Variants in CDK15 observed in about 807,000 individuals in gnomAD.
CDK15 encodes the protein cyclin-dependent kinase 15.
Under a neutral mutation model 60.3 loss-of-function variants are expected in CDK15, and 62 were observed. The ratio of observed to expected loss-of-function variants is 1.03; its 90% CI spans 0.84 to 1.27. The LOEUF (loss-of-function observed/expected upper bound fraction) is 1.27. Among genes scored for constraint, CDK15 ranks in the 50% most tolerant of loss-of-function variants. CDK15 has a pLI of 0.00. For synonymous variants in CDK15, 194 were observed against 195.7 expected, an observed-to-expected ratio of 0.99 and a Z score of 0.07; for missense variants, 541 against 527.8, an observed-to-expected ratio of 1.03 and a Z score of -0.25.
At chr2:201,862,405 A>C (rs192955766) in intron 10 of CDK15, among the ~76,000 whole-genome samples, 3 of 152,374 alleles carry the variant, frequency 2.0e-5, no homozygotes, top group Admixed American at 2.0e-4. Flanking sequence ...TACCTGGCAC[A>C]TAATAAGTAG....
intron 10 of CDK15, among the ~76,000 whole-genome samples, chr2:201,855,980 C>T (rs185947162): frequency 7.4e-4 from 112 of 152,208 alleles, no homozygotes; most frequent in Middle Eastern, 6.8e-3. Flanking sequence ...GCACCCGCCA[C>T]CATGCCCAGC....
intron 8 of CDK15, among the ~76,000 whole-genome samples, chr2:201,841,062 T>G (rs1470990856): frequency 6.6e-6 from 1 of 152,200 alleles, no homozygotes; most frequent in Admixed American, 6.5e-5. Context: ...TCCTTAACTT[T>G]CTGTGATGCA....
chr2:201,816,382 T>C (rs117933713), intron 4 of CDK15, among the ~76,000 whole-genome samples: 1 of 152,194 alleles, frequency 6.6e-6, no homozygotes, highest in East Asian at 1.9e-4. Flanking sequence ...ATGTGGTATT[T>C]GTTTTCTGTT....
chr2:201,807,755 C>A, intron 2 of CDK15, 103 bp from the exon 3 acceptor site: 1 of 1,546,008 alleles, frequency 6.5e-7, no homozygotes, highest in South Asian at 1.2e-5. Context: ...TCTGCTCTGG[C>A]AATGCTGTCT....
At chr2:201,811,446 G>A (rs1191322726) in intron 3 of CDK15, among the ~76,000 whole-genome samples, 4 of 152,258 alleles carry the variant, frequency 2.6e-5, no homozygotes, top group Admixed American at 1.3e-4. Flanking sequence ...CACTGTGCCC[G>A]GCCTGATGAA....
At chr2:201,838,110 A>G (rs1202678375) in intron 8 of CDK15, among the ~76,000 whole-genome samples, 3 of 152,150 alleles carry the variant, frequency 2.0e-5, no homozygotes, top group Non-Finnish European at 4.4e-5. Flanking sequence ...TCAATTTTAA[A>G]CTAATTTTAT....
Position 201,872,264 on chromosome 2 carries a change from T to C in CDK15, c.1010-14T>C, listed in dbSNP as rs377418969. On this transcript the variant is annotated splice_polypyrimidine_tract_variant and intron_variant, in intron 10 of 13. Coordinates refer to ENST00000652192, the MANE Select transcript of CDK15 (RefSeq NM_001366386.2). ...GTGGATTTTATTTTTTAACGCCCTC[T>C]GTATGCTTCCCAGAATGGTTCCCAC... The C allele has an allele frequency of 1.9e-6, 3 of 1,614,088 alleles. No individual in the cohort carries two copies. The highest frequency in any genetic ancestry group is 2.5e-6 in the Non-Finnish European group (3 of 1,179,952).
At chr2:201,826,333 G>C (rs557379052) in intron 6 of CDK15, among the ~76,000 whole-genome samples, 11 of 151,906 alleles carry the variant, frequency 7.2e-5, no homozygotes, top group Non-Finnish European at 2.9e-5. Flanking sequence ...GGTGGCGGGC[G>C]CCTGTAGTCC....
chr2:201,850,707 A>G (rs566310333), intron 9 of CDK15, among the ~76,000 whole-genome samples: 95 of 151,810 alleles, frequency 6.3e-4, no homozygotes, highest in African/African-American at 2.2e-3. Flanking sequence ...ATTTTGAGGA[A>G]CCTCCATACC....
At chr2:201,881,019 A>G (rs1699255882) in intron 12 of CDK15, among the ~76,000 whole-genome samples, 1 of 152,166 alleles carries the variant, frequency 6.6e-6, no homozygotes, top group African/African-American at 2.4e-5. Flanking sequence ...GAGAAAAGAA[A>G]GCTTAGGAGG....
rs1358228728 is a variant in CDK15 at position 201,806,730 on chromosome 2, A to C, written c.66A>C (p.Gly22=). 1.3e-6 allele frequency: 2 copies of C among 1,598,424 alleles called. No homozygotes were observed. Among genetic ancestry groups the C allele is most frequent in the Non-Finnish European group, 1.7e-6 (2 of 1,179,720 alleles). Residue 22 remains glycine, a synonymous_variant, in exon 1 of 14, where the codon GGA becomes GGC. Coordinates refer to ENST00000652192, the MANE Select transcript of CDK15 (RefSeq NM_001366386.2). ...GCAGCTGCTACCATTGTTCAGAGGG[A>C]GGCGAGGCACACAGCTGTCGGAGGA... ...PGCSCYHCSE[G]GEAHSCRRSQ... is the part of the protein sequence containing the mutation.
rs1699231201 is a variant in CDK15 at position 201,880,296 on chromosome 2, A to G, written c.1198+129A>G. 3 of 1,161,200 alleles carry G rather than the reference A, an allele frequency of 2.6e-6. No homozygotes were observed. In the African/African-American group the frequency reaches 4.6e-5, roughly 18 times the overall value. The allele number at this position is 1,161,200 out of a possible 1,614,324, so 71.9% of individuals were successfully genotyped here. ...AGCATTTACCCCCAGGAGTGAAGTTAGAGATCAGTTTGCCTGGGAGAAGCA... is the reference window on the plus strand; with the variant it reads ...AGCATTTACCCCCAGGAGTGAAGTTGGAGATCAGTTTGCCTGGGAGAAGCA... On this transcript the variant is annotated intron_variant, in intron 12 of 13. Coordinates refer to ENST00000652192, the MANE Select transcript of CDK15 (RefSeq NM_001366386.2).
At chr2:201,833,219 G>GC (rs879557138) in intron 6 of CDK15, among the ~76,000 whole-genome samples, 25 of 140,364 alleles carry the variant, frequency 1.8e-4, no homozygotes, top group Non-Finnish European at 3.0e-4. Context: ...TGAGGGGGGG[G>GC]GTCTAACTTA....
chr2:201,872,588 G>GT (rs1228124456), intron 11 of CDK15, among the ~76,000 whole-genome samples: 1 of 152,052 alleles, frequency 6.6e-6, no homozygotes, highest in Non-Finnish European at 1.5e-5. Context: ...GAACGAGGGA[G>GT]TGTTGGTCTG....
intron 4 of CDK15, among the ~76,000 whole-genome samples, chr2:201,815,366 C>T (rs569747154): frequency 6.6e-6 from 1 of 152,264 alleles, no homozygotes; most frequent in Admixed American, 6.5e-5. Context: ...GCTTTCTACG[C>T]ACCCACTGTA....
At chr2:201,873,861 T>A (rs1322049585) in intron 11 of CDK15, among the ~76,000 whole-genome samples, 1 of 152,220 alleles carries the variant, frequency 6.6e-6, no homozygotes, top group Non-Finnish European at 1.5e-5. Flanking sequence ...AAGACCAGCC[T>A]GGCCAACATG....
chr2:201,886,172 G>A (rs910161157), intron 12 of CDK15, among the ~76,000 whole-genome samples: 10 of 152,098 alleles, frequency 6.6e-5, no homozygotes, highest in South Asian at 2.1e-4. Flanking sequence ...TCCAGGTAGC[G>A]TGTTTAATAT....
chr2:201,874,377 A>G (rs1574930766), intron 11 of CDK15, among the ~76,000 whole-genome samples: 2 of 152,180 alleles, frequency 1.3e-5, no homozygotes, highest in African/African-American at 4.8e-5. Flanking sequence ...AAGGGTTAAC[A>G]TTGGATGGGA....
intron 8 of CDK15, among the ~76,000 whole-genome samples, chr2:201,839,129 A>C (rs1574884347): frequency 6.6e-6 from 1 of 152,216 alleles, no homozygotes; most frequent in East Asian, 1.9e-4. Flanking sequence ...ACATGTTTCT[A>C]AGATTCATCC....
Sources: gnomAD v4.1 joint callset for allele counts (sites outside exome capture counted in the v4.1 genomes callset) on GRCh38, gnomAD v4.1.1 for gene constraint, MANE v1.5 for transcripts, NCBI Gene and HGNC (gene_info 2026-07-23, HGNC 2026-07-21) for gene names.